BCOR: variants seen among roughly 807,000 people sequenced by gnomAD.
BCOR encodes BCL-6 corepressor.
A neutral mutation model predicts 86.7 loss-of-function variants in BCOR; 10 were observed. That is an observed-to-expected ratio of 0.12 (90% confidence interval 0.07 to 0.20). The LOEUF is 0.20. Ranked by LOEUF, BCOR falls within the 10% of genes least tolerant of loss-of-function variation. The pLI, the probability that BCOR is intolerant of heterozygous loss-of-function variation, is 1.00. For missense variants in BCOR, 1,259 were observed against 1,452.1 expected (o/e 0.87, Z 2.16); for synonymous variants, 611 against 609.0 (o/e 1.00, Z -0.05).
intron 1 of BCOR, among the ~76,000 whole-genome samples, chrX:40,106,065 C>T (rs1353633141): frequency 2.7e-5 from 3 of 111,961 alleles, no homozygotes; most frequent in Non-Finnish European, 5.7e-5. Context: ...GACGTAGGGT[C>T]GGCTGCGGGG....
chrX:40,080,989 G>GCGCA (rs769419986), intron 1 of BCOR, among the ~76,000 whole-genome samples: 13 of 107,120 alleles, frequency 1.2e-4, no homozygotes, highest in African/African-American at 3.7e-4. Context: ...ACACACACGC[G>GCGCA]CACACACACA....
At chrX:40,130,555 T>C (rs913929360) in intron 1 of BCOR, among the ~76,000 whole-genome samples, 1 of 112,260 alleles carries the variant, frequency 8.9e-6, no homozygotes, top group African/African-American at 3.2e-5. Context: ...AGCCTACCCC[T>C]GTCTGCTCTC....
chrX:40,063,989 C>A, intron 7 of BCOR, 37 bp from the exon 8 acceptor site: 2 of 1,041,420 alleles, frequency 1.9e-6, no homozygotes, highest in Non-Finnish European at 1.3e-6. Flanking sequence ...TCAAAAAGCC[C>A]CCCGGGGGGG....
At chrX:40,134,005 G>C (rs1043657540) in intron 1 of BCOR, among the ~76,000 whole-genome samples, 2 of 110,252 alleles carry the variant, frequency 1.8e-5, no homozygotes, top group Non-Finnish European at 3.8e-5. Context: ...AAAGGCATCT[G>C]GGAGAATTAG....
chrX:40,101,985 T>C (rs146135626), upstream of BCOR, among the ~76,000 whole-genome samples: 3,504 of 111,670 alleles, frequency 0.031, 123 homozygotes, highest in African/African-American at 0.11. Context: ...CCAATGGCAC[T>C]TTAAAAAACA....
Position 40,055,494 on chromosome X carries a change from C to T in BCOR, c.4615G>A (p.Glu1539Lys). The T allele has an allele frequency of 8.3e-7, 1 of 1,211,684 alleles. No homozygotes were observed. The highest frequency in any genetic ancestry group is 1.1e-6 in the Non-Finnish European group (1 of 895,492). Residue 1539 changes from glutamate to lysine, a missense_variant, in exon 12 of 15, where the codon GAG becomes AAG. This residue lies in a region of BCOR where 47 missense variants were observed against 102.1 expected (regional missense o/e 0.46). Coordinates refer to ENST00000378444, the MANE Select transcript of BCOR (RefSeq NM_001123385.2). ...DGTRPLHDAV[E>K]NDHLEIVRLL... The stretch of plus-strand genomic sequence containing the variant: ...CGGACAATTTCCAAGTGATCGTTCT[C>T]AACAGCATCGTGCAGAGGCCTAGGA...
chrX:40,074,859 C>T lies in BCOR; in HGVS notation c.487G>A (p.Ala163Thr). 3.3e-6 allele frequency: 4 copies of T among 1,211,700 alleles called. No homozygotes were observed. Among genetic ancestry groups the T allele is most frequent in the Non-Finnish European group, 2.2e-6 (2 of 895,418 alleles). The change falls in exon 4 of 15, where the codon GCA becomes ACA. Residue 163 changes from alanine (A) to threonine (T), a missense_variant. Around this residue, in one of 7 missense-constraint regions of BCOR, gnomAD observed 174 missense variants for 189.3 expected, o/e 0.92. Transcript: ENST00000378444. ...GGCCTGTCCAAGCCCAGCGCTTCTGCTGTGGCTACAGCACTTTTTTGTATT... is the reference window on the plus strand; with the variant it reads ...GGCCTGTCCAAGCCCAGCGCTTCTGTTGTGGCTACAGCACTTTTTTGTATT... ...PGIQKSAVAT[A>T]EALGLDRPAS...
intron 1 of BCOR, among the ~76,000 whole-genome samples, chrX:40,081,896 G>C (rs2147412823): frequency 8.9e-6 from 1 of 112,553 alleles, no homozygotes; most frequent in South Asian, 3.7e-4. Flanking sequence ...GGGCCAAGTG[G>C]AGAGACCTGG....
In BCOR at chrX:40,112,111, A is replaced by G. The variant is rs778217655; in HGVS notation, c.-40-34142T>C. Among the ~76,000 whole-genome samples the G allele has an allele frequency of 9.0e-5, 10 of 110,923 alleles. 1 individual carries two copies. The highest frequency in any genetic ancestry group is 1.3e-4 in the African/African-American group (4 of 30,393). ...GCCTCCCAGAAGCATTTACCACACC[A>G]TGACCACTGCTCCCTTGAGCTGCTT... On this transcript the variant is annotated intron_variant, in intron 1 of 14. Transcript: ENST00000342274.
chrX:40,093,532 A>G (rs1410969845), intron 1 of BCOR, among the ~76,000 whole-genome samples: 1 of 112,044 alleles, frequency 8.9e-6, no homozygotes, highest in Non-Finnish European at 1.9e-5. Context: ...TTTTAGACCA[A>G]TTTAATATTA....
intron 6 of BCOR, among the ~76,000 whole-genome samples, chrX:40,066,028 G>A (rs1204798600): frequency 9.0e-6 from 1 of 110,935 alleles, no homozygotes. Flanking sequence ...CTTCAAGGGT[G>A]TTCTAAGGGG....
intron 6 of BCOR, among the ~76,000 whole-genome samples, chrX:40,066,985 G>T (rs1204378074): frequency 1.1e-5 from 1 of 92,129 alleles, no homozygotes; most frequent in Admixed American, 1.4e-4. Context: ...CTTTGGATTT[G>T]ACTTCCACAG....
At chrX:40,151,727 T>TGGC (rs1158381490) in intron 1 of BCOR, among the ~76,000 whole-genome samples, 17 of 112,039 alleles carry the variant, frequency 1.5e-4, no homozygotes, top group Non-Finnish European at 2.8e-4. Context: ...GCCGCAGCGG[T>TGGC]GGCGGCGGCG....
intron 6 of BCOR, among the ~76,000 whole-genome samples, chrX:40,068,659 A>T (rs1935316815): frequency 8.9e-6 from 1 of 112,211 alleles, no homozygotes; most frequent in South Asian, 3.7e-4. Flanking sequence ...TAAAACTAAA[A>T]ACAAAAAGGA....
intron 1 of BCOR, among the ~76,000 whole-genome samples, chrX:40,110,155 A>G (rs1213931657): frequency 1.8e-5 from 2 of 112,580 alleles, no homozygotes; most frequent in Non-Finnish European, 3.8e-5. Flanking sequence ...ACTCTCAGGT[A>G]AGGTCAAATT....
chrX:40,168,659 C>T (rs1477741789), intron 1 of BCOR, among the ~76,000 whole-genome samples: 1 of 112,605 alleles, frequency 8.9e-6, no homozygotes, highest in African/African-American at 3.2e-5. Context: ...GGCTGGGGCT[C>T]CCCGGGGGGC....
chrX:40,057,045 C>T, intron 11 of BCOR, 110 bp downstream of exon 11: 4 of 887,008 alleles, frequency 4.5e-6, no homozygotes, highest in East Asian at 3.2e-5. Context: ...CTTACAGTCA[C>T]CCTCTGTCTT....
chrX:40,052,596 G>A (rs1309558324), intron 14 of BCOR, among the ~76,000 whole-genome samples, 196 bp from the exon 15 acceptor site: 2 of 76,121 alleles, frequency 2.6e-5, no homozygotes, highest in African/African-American at 5.5e-5. Context: ...ACGGAATCTC[G>A]CTCTGTCGCC....
Position 40,062,360 on chromosome X carries a change from G to GCTC in BCOR, c.4204_4206dup (p.Glu1402dup). ...GGTGACAGATCATAGTCCGAACTGG[G>GCTC]CTCCGGCCGCTTTCTGAATCTCCGG... is the stretch of plus-strand genomic sequence containing the variant. On this transcript the variant is annotated inframe_insertion, in exon 10 of 15. Coordinates refer to ENST00000378444, the MANE Select transcript of BCOR (RefSeq NM_001123385.2). 1 of 1,205,105 alleles carries GCTC rather than the reference G, an allele frequency of 8.3e-7. No homozygotes were observed. Among genetic ancestry groups the GCTC allele is most frequent in the Non-Finnish European group, 1.1e-6 (1 of 892,438 alleles).
Sources: gnomAD v4.1 joint callset for allele counts (sites outside exome capture counted in the v4.1 genomes callset) on GRCh38, gnomAD v4.1.1 for gene constraint, gnomAD v4.1.1 regional missense constraint, MANE v1.5 for transcripts, NCBI Gene and HGNC (gene_info 2026-07-23, HGNC 2026-07-21) for gene names.